Variants in PDE11A observed in about 807,000 individuals in gnomAD.
PDE11A encodes the protein phosphodiesterase 11A.
In PDE11A, 100 loss-of-function variants were observed where a neutral mutation model predicts 100.5. The observed-to-expected ratio is 1.00, with a 90% CI of 0.85 to 1.18. The LOEUF (loss-of-function observed/expected upper bound fraction) is 1.18. Ranked by LOEUF, PDE11A falls within the 50% of genes most tolerant of loss-of-function variation. The pLI, the probability that PDE11A is intolerant of heterozygous loss-of-function variation, is 0.00. For synonymous variants in PDE11A, 381 were observed against 420.8 expected (o/e 0.91, Z 1.16); for missense variants, 1,141 against 1,152.6 (o/e 0.99, Z 0.15).
At chr2:178,075,551 CAAAAAAAAAAAAAAA>C (rs397756518), upstream of PDE11A, among the ~76,000 whole-genome samples, 7 of 47,854 alleles carry the variant, frequency 1.5e-4, no homozygotes, top group African/African-American at 5.1e-4. Context: ...GACTCTGTCT[CAAAAAAAAAAAAAAA>C]AAAAAAAAAG....
chr2:177,998,427 T>C, intron 2 of PDE11A: 2 of 1,002,556 alleles, frequency 2.0e-6, no homozygotes, highest in Non-Finnish European at 3.2e-6. Context: ...GTTCACTAGG[T>C]TAAATTCTGC....
chr2:177,811,748 C>T (rs1281890460), intron 9 of PDE11A, among the ~76,000 whole-genome samples: 2 of 152,024 alleles, frequency 1.3e-5, no homozygotes, highest in Middle Eastern at 3.2e-3. Context: ...TATTTCTATG[C>T]CCTAGACTTT....
In PDE11A at chr2:177,727,774, G is replaced by T. The variant is rs754479777; in HGVS notation, c.1936-9C>A. On this transcript the variant is annotated splice_polypyrimidine_tract_variant and intron_variant, in intron 11 of 19. Transcript: ENST00000286063. ...AGCCACCTACACAGTGTCTGAAATG[G>T]GAGGGAGAGGGTGCGTCAGGCAGTT... The T allele has an allele frequency of 3.3e-6, 5 of 1,508,168 alleles. No homozygotes were observed. The South Asian group carries it at 4.5e-5, about 14-fold the overall frequency. 93.4% of individuals were successfully genotyped at this position (1,508,168 alleles called of 1,614,324 possible). A position where few individuals can be genotyped will look rare whatever the true frequency, so the allele number is the denominator to read the frequency against.
At chr2:178,049,364 G>A (rs554305766) in intron 1 of PDE11A, among the ~76,000 whole-genome samples, 1 of 152,120 alleles carries the variant, frequency 6.6e-6, no homozygotes, top group Admixed American at 6.5e-5. Flanking sequence ...GCCAGGCTTG[G>A]GGGGGAAGTT....
At chr2:177,950,638 C>T (rs2085494525) in intron 2 of PDE11A, among the ~76,000 whole-genome samples, 1 of 152,136 alleles carries the variant, frequency 6.6e-6, no homozygotes, top group Admixed American at 6.5e-5. Flanking sequence ...AATAATGCTT[C>T]GTCCTTCTCA....
chr2:177,785,762 G>A (rs1261933936), intron 9 of PDE11A, among the ~76,000 whole-genome samples: 2 of 152,228 alleles, frequency 1.3e-5, no homozygotes, highest in Non-Finnish European at 2.9e-5. Context: ...AGGGTCCTAT[G>A]CCCATGGAGT....
chr2:178,007,245 T>C (rs942061053), intron 2 of PDE11A, among the ~76,000 whole-genome samples: 6 of 152,208 alleles, frequency 3.9e-5, no homozygotes, highest in Non-Finnish European at 8.8e-5. Context: ...CTTAATTTCA[T>C]TTTTCTCTGA....
At chr2:177,671,639 T>G (rs558441189) in intron 17 of PDE11A, among the ~76,000 whole-genome samples, 47 of 152,188 alleles carry the variant, frequency 3.1e-4, no homozygotes, top group African/African-American at 1.1e-3. Flanking sequence ...ATTGCTAGCT[T>G]AGAACTGTGA....
At chr2:177,789,157 G>A (rs1252505012) in intron 9 of PDE11A, among the ~76,000 whole-genome samples, 24 of 152,200 alleles carry the variant, frequency 1.6e-4, no homozygotes, top group African/African-American at 3.1e-4. Context: ...CTGGCAAACC[G>A]AATCCAGCAG....
chr2:177,721,421 A>G (rs1048924912), intron 12 of PDE11A, among the ~76,000 whole-genome samples: 2 of 152,220 alleles, frequency 1.3e-5, no homozygotes, highest in African/African-American at 4.8e-5. Flanking sequence ...GATAAAATGT[A>G]CAAAAAGATA....
At chr2:177,849,624 T>TTTA (rs534415807) in intron 5 of PDE11A, among the ~76,000 whole-genome samples, 1,695 of 151,516 alleles carry the variant, frequency 0.011, 25 homozygotes, top group East Asian at 0.075. Flanking sequence ...TATTTATTTA[T>TTTA]TTATTATTAT....
At chr2:178,068,469 G>A (rs2087079378) in intron 1 of PDE11A, among the ~76,000 whole-genome samples, 1 of 151,612 alleles carries the variant, frequency 6.6e-6, no homozygotes, top group African/African-American at 2.4e-5. Context: ...GAACCCCCAA[G>A]AGTATCATCA....
intron 19 of PDE11A, among the ~76,000 whole-genome samples, chr2:177,632,799 T>C (rs1373281580): frequency 6.6e-6 from 1 of 152,178 alleles, no homozygotes; most frequent in Non-Finnish European, 1.5e-5. Context: ...ATAGGGGAAG[T>C]GACTTACCCA....
At chr2:177,636,144 T>A (rs2080034991) in intron 19 of PDE11A, among the ~76,000 whole-genome samples, 1 of 152,098 alleles carries the variant, frequency 6.6e-6, no homozygotes, top group Admixed American at 6.5e-5. Flanking sequence ...ATAATAGCCA[T>A]ACTAACAAAA....
At chr2:177,730,341 C>T (rs1412380491) in intron 10 of PDE11A, among the ~76,000 whole-genome samples, 1 of 152,116 alleles carries the variant, frequency 6.6e-6, no homozygotes, top group African/African-American at 2.4e-5. Flanking sequence ...GTTGTAAGCC[C>T]TTTTCTTAAT....
intron 1 of PDE11A, among the ~76,000 whole-genome samples, chr2:178,054,443 G>T (rs2086871595): frequency 6.6e-6 from 1 of 152,112 alleles, no homozygotes; most frequent in Non-Finnish European, 1.5e-5. Context: ...CATGGGCAAG[G>T]ACTTCATGTC....
chr2:178,000,594 G>T (rs1476597184), intron 2 of PDE11A, among the ~76,000 whole-genome samples: 1 of 152,092 alleles, frequency 6.6e-6, no homozygotes, highest in Non-Finnish European at 1.5e-5. Context: ...AAAATGTTTT[G>T]TCAGTAAAAG....
intron 2 of PDE11A, among the ~76,000 whole-genome samples, chr2:178,008,669 G>A (rs1297072006): frequency 1.3e-5 from 2 of 152,072 alleles, no homozygotes; most frequent in Admixed American, 1.3e-4. Context: ...TGAGTCTCAG[G>A]CCTGTTGCTG....
intron 6 of PDE11A, among the ~76,000 whole-genome samples, chr2:177,832,826 GC>G (rs779589099): frequency 2.0e-5 from 3 of 152,082 alleles, no homozygotes; most frequent in Non-Finnish European, 2.9e-5. Flanking sequence ...CCAAGCGCTA[GC>G]AGGCCACTAT....
Sources: allele counts gnomAD v4.1 joint callset (sites outside exome capture counted in the v4.1 genomes callset), GRCh38; gene constraint gnomAD v4.1.1; transcripts MANE v1.5; gene names NCBI Gene and HGNC (gene_info 2026-07-23, HGNC 2026-07-21).